Variants in DMXL2 observed in about 807,000 individuals in gnomAD.
DMXL2 encodes dmX-like protein 2.
DMXL2 carries 103 observed loss-of-function variants against 331.1 expected under a neutral mutation model. The ratio of observed to expected loss-of-function variants is 0.31; its 90% CI spans 0.27 to 0.37. The LOEUF (loss-of-function observed/expected upper bound fraction) is 0.37. Among genes scored for constraint, DMXL2 ranks in the 10% least tolerant of loss-of-function variants. The pLI is 1.00. For missense variants in DMXL2, 3,171 were observed against 3,642.9 expected (o/e 0.87, Z 3.33); for synonymous variants, 1,281 against 1,252.1 (o/e 1.02, Z -0.49).
At position 51,471,303 on chromosome 15, in the gene DMXL2, G is replaced by T; in HGVS notation, c.7312C>A (p.Pro2438Thr). The change falls in exon 29 of 44, where the codon CCG becomes ACG. Residue 2438 changes from proline (P) to threonine (T), a missense_variant. This residue lies in a region of DMXL2 where 766 missense variants were observed against 940.5 expected (regional missense o/e 0.81). Transcript: ENST00000560891. ...TAAGATGGTCTTTCTGCAGGCACCG[G>T]TGGTGGGGTAGCATCTTTTACAGGC... ...GRPVKDATPP[P>T]VPAERPSYKE... The T allele has an allele frequency of 1.2e-6, 2 of 1,614,018 alleles. No homozygotes were observed. Among genetic ancestry groups the T allele is most frequent in the Non-Finnish European group, 1.7e-6 (2 of 1,179,934 alleles).
intron 6 of DMXL2, among the ~76,000 whole-genome samples, chr15:51,561,836 G>A (rs1182000531): frequency 6.6e-6 from 1 of 152,132 alleles, no homozygotes; most frequent in East Asian, 1.9e-4. Flanking sequence ...ATACACAGTG[G>A]AATACTATTT....
At chr15:51,540,500 A>G (rs1484858717) in intron 9 of DMXL2, among the ~76,000 whole-genome samples, 1 of 152,158 alleles carries the variant, frequency 6.6e-6, no homozygotes, top group Non-Finnish European at 1.5e-5. Flanking sequence ...GGGAAGAGGC[A>G]GCAAAGACAT....
At chr15:51,463,692 TA>T (rs1294795034) in intron 32 of DMXL2, among the ~76,000 whole-genome samples, 196 bp from the exon 33 acceptor site, 1 of 152,180 alleles carries the variant, frequency 6.6e-6, no homozygotes, top group Non-Finnish European at 1.5e-5. Context: ...TTAGTTCTCC[TA>T]AAAATCATTT....
chr15:51,545,798 T>G (rs753100363), intron 7 of DMXL2, 32 bp from the exon 8 acceptor site: 1 of 1,573,052 alleles, frequency 6.4e-7, no homozygotes, highest in African/African-American at 1.4e-5. Flanking sequence ...TAAAGGTTAA[T>G]GTGAATATCA....
Position 51,622,506 on chromosome 15 carries a change from C to T in DMXL2, c.40G>A (p.Gly14Arg). 1 of 1,569,320 alleles carries T rather than the reference C, an allele frequency of 6.4e-7. No homozygotes were observed. The highest frequency in any genetic ancestry group is 1.2e-5 in the South Asian group (1 of 85,460). ...HQVLTGAVNP[G>R]DNCYSVGSVG... Reference sequence around the variant, plus strand: ...CTGCCCACGGAGTAGCAGTTGTCTCCAGGGTTGACAGCTCCGGTGAGGACC... The same window carrying T: ...CTGCCCACGGAGTAGCAGTTGTCTCTAGGGTTGACAGCTCCGGTGAGGACC... Residue 14 changes from glycine to arginine, a missense_variant, in exon 1 of 44, where the codon GGA becomes AGA. Gly to Arg is a moderately radical substitution (Grantham distance 125). Around this residue, in one of 7 missense-constraint regions of DMXL2, gnomAD observed 1,674 missense variants for 1,780.2 expected, o/e 0.94. Transcript: ENST00000560891.
chr15:51,455,128 TG>T, intron 40 of DMXL2, 22 bp downstream of exon 40: 1 of 1,589,656 alleles, frequency 6.3e-7, no homozygotes, highest in Non-Finnish European at 8.6e-7. Flanking sequence ...ATATGCGCCC[TG>T]GGAACATTTA....
At chr15:51,485,046 A>AAAAAAAAAAAG in intron 23 of DMXL2, among the ~76,000 whole-genome samples, 1 of 151,604 alleles carries the variant, frequency 6.6e-6, no homozygotes. Flanking sequence ...AAAAAAAAAA[A>AAAAAAAAAAAG]AAAAAGGAAG....
At chr15:51,478,015 T>A in intron 26 of DMXL2, among the ~76,000 whole-genome samples, 1 of 152,208 alleles carries the variant, frequency 6.6e-6, no homozygotes, top group East Asian at 1.9e-4. Context: ...AGTAAACTCT[T>A]CTTTCTTAAA....
Position 51,568,534 on chromosome 15 carries a change from C to G in DMXL2, c.238G>C (p.Val80Leu), listed in dbSNP as rs1210134483. 1.3e-6 allele frequency: 2 copies of G among 1,580,034 alleles called. No homozygotes were observed. The highest frequency in any genetic ancestry group is 1.2e-5 in the South Asian group (1 of 84,484). The change falls in exon 3 of 44, where the codon GTT (valine) becomes CTT (leucine). Residue 80 changes from valine (V) to leucine (L), a missense_variant. This residue lies in a region of DMXL2 where 1,674 missense variants were observed against 1,780.2 expected (regional missense o/e 0.94). Transcript: ENST00000560891. ...ATGCCCAAGGGCTCAAATATACAAACAGCATTACCATATGAAGCTGCAATC... is the reference window on the plus strand; with the variant it reads ...ATGCCCAAGGGCTCAAATATACAAAGAGCATTACCATATGAAGCTGCAATC... ...GRIAASYGNAVCIFEPLGINS... is the reference protein window; with the variant it reads ...GRIAASYGNALCIFEPLGINS...
chr15:51,617,387 AATCAAGAGGCT>A lies in DMXL2; in HGVS notation c.87+5061_87+5071del, dbSNP rs2054354726. 4.6e-5 allele frequency among the ~76,000 whole-genome samples: 7 copies of A among 152,286 alleles called. No homozygotes were observed. The South Asian group carries it at 1.5e-3, about 32-fold the overall frequency. On this transcript the variant is annotated intron_variant, in intron 1 of 43. Transcript: ENST00000560891. Reference sequence around the variant, plus strand: ...TGCCAGGTGCCAAGGACCAAAACCTAATCAAGAGGCTTCTCCTCAGCTGTAAGCCCAAAGAC... The same window carrying A: ...TGCCAGGTGCCAAGGACCAAAACCTATCTCCTCAGCTGTAAGCCCAAAGAC...
In DMXL2 at chr15:51,514,472, C is replaced by T; in HGVS notation, c.2614G>A (p.Glu872Lys). 1 of 1,578,878 alleles carries T rather than the reference C, an allele frequency of 6.3e-7. No homozygotes were observed. The highest frequency in any genetic ancestry group is 8.6e-7 in the Non-Finnish European group (1 of 1,159,484). The change falls in exon 15 of 44, where the codon GAA becomes AAA. Residue 872 changes from glutamate (E) to lysine (K), a missense_variant. This residue lies in a region of DMXL2 where 1,674 missense variants were observed against 1,780.2 expected (regional missense o/e 0.94). Transcript: ENST00000560891. ...KPHKEDMEKK[E>K]TEIFFQPSQG... ...GATGGCTGAAAAAATATTTCTGTTT[C>T]CTTTTTCTCCATATCTTCCTTATGT...
rs752166400 is a variant in DMXL2, at chr15:51,456,066, C to A, written c.8526G>T (p.Lys2842Asn). 6.2e-7 allele frequency: 1 copy of A among 1,614,002 alleles called. No homozygotes were observed. The highest frequency in any genetic ancestry group is 8.5e-7 in the Non-Finnish European group (1 of 1,179,930). The change falls in exon 39 of 44, where the codon AAG becomes AAT. Residue 2842 changes from lysine to asparagine, a missense_variant and splice_region_variant. This residue lies in a region of DMXL2 where 766 missense variants were observed against 940.5 expected (regional missense o/e 0.81). Transcript: ENST00000560891. ...TCAGCAGTAGCCCCCAGAAACTAAC[C>A]TTGTTGCCTTGTGAATTAAAATATA... Reference protein sequence around the residue: ...TRLYFNSQGNKCGVADGEGFL... With the variant: ...TRLYFNSQGNNCGVADGEGFL...
At position 51,499,548 on chromosome 15, in the gene DMXL2, C is replaced by G. The variant is rs747311914; in HGVS notation, c.3676G>C (p.Val1226Leu). 1.9e-6 allele frequency: 3 copies of G among 1,614,110 alleles called. No individual in the cohort carries two copies. The highest frequency in any genetic ancestry group is 2.5e-6 in the Non-Finnish European group (3 of 1,180,018). Residue 1226 changes from valine to leucine, a missense_variant, in exon 18 of 44, where the codon GTT (valine) becomes CTT (leucine). Val to Leu is a conservative substitution (Grantham distance 32, BLOSUM62 1). Coordinates refer to ENST00000560891, the MANE Select transcript of DMXL2 (RefSeq NM_001378457.1). Reference sequence around the variant, plus strand: ...CTAAGAAGAACCCATCTTGACTTAACTCCTTGCTTGATACTACCACCTAGT... The same window carrying G: ...CTAAGAAGAACCCATCTTGACTTAAGTCCTTGCTTGATACTACCACCTAGT... ...LPLGGSIKQG[V>L]KSRWVLLRSI... is the part of the protein sequence containing the mutation.
At chr15:51,474,771 A>AT (rs2041425307) in intron 27 of DMXL2, among the ~76,000 whole-genome samples, 179 bp from the exon 28 acceptor site, 1 of 152,218 alleles carries the variant, frequency 6.6e-6, no homozygotes, top group African/African-American at 2.4e-5. Flanking sequence ...AAAATCATCC[A>AT]TTTGTCTACA....
chr15:51,608,466 G>A (rs1310527399), intron 1 of DMXL2, among the ~76,000 whole-genome samples: 1 of 152,142 alleles, frequency 6.6e-6, no homozygotes, highest in East Asian at 1.9e-4. Context: ...TGTAGTTGGA[G>A]GCCATTATCC....
chr15:51,550,431 C>T (rs962771677), intron 6 of DMXL2, among the ~76,000 whole-genome samples: 11 of 151,980 alleles, frequency 7.2e-5, no homozygotes, highest in Non-Finnish European at 1.3e-4. Flanking sequence ...TTATAATTCA[C>T]GAATATAACA....
Position 51,547,140 on chromosome 15 carries a change from T to G in DMXL2, c.746+90A>C, listed in dbSNP as rs752250895. 3.3e-5 allele frequency: 39 copies of G among 1,170,118 alleles called. No homozygotes were observed. In the Middle Eastern group the frequency reaches 6.1e-4, roughly 18 times the overall value. The allele number at this position is 1,170,118 out of a possible 1,614,324, so 72.5% of individuals were successfully genotyped here. A position where few individuals can be genotyped will look rare whatever the true frequency, so the allele number is the denominator to read the frequency against. Reference sequence around the variant, plus strand: ...TGATGCCAGAGCCTATGCTATTAATTGCCACCATGTAAATAAAAGGACTTT... The same window carrying G: ...TGATGCCAGAGCCTATGCTATTAATGGCCACCATGTAAATAAAAGGACTTT... On this transcript the variant is annotated intron_variant, in intron 7 of 43. Coordinates refer to ENST00000560891, the MANE Select transcript of DMXL2 (RefSeq NM_001378457.1).
chr15:51,547,094 A>C, intron 7 of DMXL2, 136 bp downstream of exon 7: 1 of 731,194 alleles, frequency 1.4e-6, no homozygotes, highest in South Asian at 2.4e-5. Flanking sequence ...AGCTAATAGT[A>C]GGATTTGATT....
intron 2 of DMXL2, among the ~76,000 whole-genome samples, chr15:51,569,514 C>G (rs1198895307): frequency 6.6e-6 from 1 of 152,182 alleles, no homozygotes; most frequent in Non-Finnish European, 1.5e-5. Flanking sequence ...GGTCCCTGAC[C>G]CCCCCGTGTA....
Sources: gnomAD v4.1 joint callset for allele counts (sites outside exome capture counted in the v4.1 genomes callset) on GRCh38, gnomAD v4.1.1 for gene constraint, gnomAD v4.1.1 regional missense constraint, MANE v1.5 for transcripts, NCBI Gene and HGNC (gene_info 2026-07-23, HGNC 2026-07-21) for gene names.